The following CSMD1 variants were observed in gnomAD, a reference collection of about 807,000 sequenced individuals.
The protein encoded by CSMD1 is CUB and Sushi multiple domains 1, also known as CUB and sushi domain-containing protein 1.
A neutral mutation model predicts 417.5 loss-of-function variants in CSMD1; 213 were observed. The ratio of observed to expected loss-of-function variants is 0.51; its 90% CI spans 0.46 to 0.57. The LOEUF is 0.57. CSMD1 is among the 20% of genes least tolerant of loss of function. CSMD1 has a pLI of 0.00. For missense variants in CSMD1, 6,923 were observed against 4,529.7 expected, an observed-to-expected ratio of 1.53 and a Z score of -15.17; for synonymous variants, 2,862 against 1,736.8, an observed-to-expected ratio of 1.65 and a Z score of -16.11.
intron 2 of CSMD1, among the ~76,000 whole-genome samples, chr8:4,420,804 G>C (rs1346902610): frequency 2.6e-5 from 4 of 152,130 alleles, no homozygotes; most frequent in East Asian, 1.9e-4. Context: ...AGAATGCTGA[G>C]AATACCCACA....
At chr8:3,452,965 T>G (rs920731944) in intron 12 of CSMD1, among the ~76,000 whole-genome samples, 5 of 152,232 alleles carry the variant, frequency 3.3e-5, no homozygotes, top group Admixed American at 3.3e-4. Context: ...TTTTGGTTGG[T>G]AAGCTATTAA....
chr8:4,602,820 T>A (rs1800663278), intron 2 of CSMD1, among the ~76,000 whole-genome samples: 1 of 152,108 alleles, frequency 6.6e-6, no homozygotes, highest in Non-Finnish European at 1.5e-5. Context: ...AAAGGTAAGC[T>A]GACTTTATCC....
At chr8:3,304,287 C>G (rs1054309013) in intron 25 of CSMD1, among the ~76,000 whole-genome samples, 7 of 152,090 alleles carry the variant, frequency 4.6e-5, no homozygotes, top group Admixed American at 4.6e-4. Flanking sequence ...GTAATACAGA[C>G]TATGTTACCA....
chr8:3,427,613 C>T (rs1399866480), intron 12 of CSMD1, among the ~76,000 whole-genome samples: 3 of 152,090 alleles, frequency 2.0e-5, no homozygotes, highest in Non-Finnish European at 2.9e-5. Flanking sequence ...CCATACTCTG[C>T]AAATCTAGTG....
chr8:3,492,253 G>C (rs535638581), intron 11 of CSMD1, among the ~76,000 whole-genome samples: 2 of 152,236 alleles, frequency 1.3e-5, no homozygotes, highest in South Asian at 2.1e-4. Flanking sequence ...ATGCCGCTGA[G>C]CTCTTCTGCT....
At chr8:3,497,088 C>G (rs1051296457) in intron 10 of CSMD1, among the ~76,000 whole-genome samples, 12 of 152,152 alleles carry the variant, frequency 7.9e-5, no homozygotes, top group Admixed American at 7.9e-4. Flanking sequence ...AATATTCATA[C>G]CATGTACTGA....
chr8:4,047,291 G>A (rs1011039916), intron 3 of CSMD1, among the ~76,000 whole-genome samples: 4 of 152,090 alleles, frequency 2.6e-5, no homozygotes, highest in Admixed American at 6.6e-5. Flanking sequence ...AAGGGAGGAA[G>A]GAGAGAGACA....
chr8:4,974,078 T>C (rs1810404028), intron 1 of CSMD1, among the ~76,000 whole-genome samples: 1 of 152,340 alleles, frequency 6.6e-6, no homozygotes, highest in African/African-American at 2.4e-5. Flanking sequence ...TGGAGAGTAG[T>C]GGTGCGATCT....
intron 2 of CSMD1, among the ~76,000 whole-genome samples, chr8:4,576,548 C>A (rs1425092775): frequency 6.6e-6 from 1 of 152,082 alleles, no homozygotes; most frequent in Non-Finnish European, 1.5e-5. Context: ...TGTCTCTCAC[C>A]TTTTTTGTTG....
chr8:4,920,978 GAAACAAAGAAAGAAAGAAAA>G lies in CSMD1; in HGVS notation c.85+73334_85+73353del, dbSNP rs1321775834. 8.5e-5 allele frequency among the ~76,000 whole-genome samples: 2 copies of G among 23,628 alleles called. 1 individual carries two copies. The highest frequency in any genetic ancestry group is 1.8e-4 in the Non-Finnish European group (2 of 11,352). The allele number at this position is 23,628 out of a possible 152,430, so 15.5% of individuals were successfully genotyped here. On this transcript the variant is annotated intron_variant, in intron 1 of 69. Coordinates refer to ENST00000635120, the MANE Select transcript of CSMD1 (RefSeq NM_033225.6). ...AGAAAGAAAGAAAGAAAGAAAGAAA[GAAACAAAGAAAGAAAGAAAA>G]GAAAGAAAGAAAGAAAAGAAAGAAA...
chr8:3,574,852 C>G, intron 10 of CSMD1, 93 bp downstream of exon 10: 1 of 1,400,708 alleles, frequency 7.1e-7, no homozygotes, highest in African/African-American at 1.4e-5. Context: ...AAAGTGTAAG[C>G]ACGGATAGCA....
Position 4,787,895 on chromosome 8 carries a change from G to C in CSMD1, c.86-150337C>G, listed in dbSNP as rs541268402. The C allele has an allele frequency of 8.2e-6, 13 of 1,581,632 alleles. No homozygotes were observed. In the Admixed American group the frequency reaches 8.7e-5, roughly 11 times the overall value. On this transcript the variant is annotated intron_variant, in intron 1 of 69. Coordinates refer to ENST00000635120, the MANE Select transcript of CSMD1 (RefSeq NM_033225.6). Reference sequence around the variant, plus strand: ...CTGGTTGATATGAAGATTGAATTTGGTGTTGATGTAACCACAAAGAAATTG... The same window carrying C: ...CTGGTTGATATGAAGATTGAATTTGCTGTTGATGTAACCACAAAGAAATTG...
At chr8:4,849,761 T>G (rs563715170) in intron 1 of CSMD1, among the ~76,000 whole-genome samples, 12 of 152,300 alleles carry the variant, frequency 7.9e-5, no homozygotes, top group African/African-American at 2.9e-4. Flanking sequence ...CTAAACCATC[T>G]TGGTTTTAGT....
At chr8:3,689,872 C>G (rs562233036) in intron 7 of CSMD1, among the ~76,000 whole-genome samples, 1 of 152,152 alleles carries the variant, frequency 6.6e-6, no homozygotes, top group East Asian at 1.9e-4. Flanking sequence ...GATATTTCCT[C>G]CAGCATTTCA....
At chr8:3,418,321 G>A (rs1400428421) in intron 12 of CSMD1, among the ~76,000 whole-genome samples, 1 of 152,096 alleles carries the variant, frequency 6.6e-6, no homozygotes, top group African/African-American at 2.4e-5. Context: ...TGGAGACCAT[G>A]AGAGTATAGA....
At chr8:3,793,830 G>C (rs528466790) in intron 5 of CSMD1, among the ~76,000 whole-genome samples, 6 of 152,226 alleles carry the variant, frequency 3.9e-5, no homozygotes, top group Admixed American at 3.3e-4. Flanking sequence ...GTCAGGATCT[G>C]CATACAAGAA....
chr8:3,389,468 T>A (rs1811215441), intron 17 of CSMD1, among the ~76,000 whole-genome samples: 1 of 152,060 alleles, frequency 6.6e-6, no homozygotes, highest in African/African-American at 2.4e-5. Flanking sequence ...AAGAAGAAGC[T>A]CTGCTGAAGA....
At chr8:3,880,822 A>G (rs1213728961) in intron 5 of CSMD1, among the ~76,000 whole-genome samples, 2 of 152,228 alleles carry the variant, frequency 1.3e-5, no homozygotes, top group African/African-American at 4.8e-5. Context: ...GATAATTCCT[A>G]AAAATAACGT....
intron 1 of CSMD1, among the ~76,000 whole-genome samples, chr8:4,901,911 C>T (rs894162884): frequency 2.0e-5 from 3 of 151,996 alleles, no homozygotes; most frequent in Non-Finnish European, 4.4e-5. Flanking sequence ...ACCCTAAATA[C>T]GTTAAAAAGA....
Sources: gnomAD v4.1 joint callset for allele counts (sites outside exome capture counted in the v4.1 genomes callset) on GRCh38, gnomAD v4.1.1 for gene constraint, MANE v1.5 for transcripts, NCBI Gene and HGNC (gene_info 2026-07-23, HGNC 2026-07-21) for gene names.